Variants in SAYSD1 observed in about 807,000 individuals in gnomAD.
The protein encoded by SAYSD1 is SAYSvFN domain-containing protein 1.
Under a neutral mutation model 14.5 loss-of-function variants are expected in SAYSD1, and 15 were observed. The observed-to-expected ratio is 1.03, with a 90% CI of 0.69 to 1.59. SAYSD1 has a LOEUF of 1.59. Among genes scored for constraint, SAYSD1 ranks in the 40% most tolerant of loss-of-function variants. The probability of loss-of-function intolerance (pLI) is 0.00; values close to 1 mark genes in which losing one functional copy is unlikely to be tolerated. For synonymous variants in SAYSD1, 105 were observed against 102.6 expected, an observed-to-expected ratio of 1.02 and a Z score of -0.14; for missense variants, 247 against 227.3, an observed-to-expected ratio of 1.09 and a Z score of -0.56.
At chr6:39,110,932 C>CA (rs1437080656) in intron 1 of SAYSD1, 1 of 151,824 alleles carries the variant, frequency 6.6e-6, no homozygotes, top group African/African-American at 2.4e-5. Flanking sequence ...AAATGGTCTT[C>CA]AAAATGACAA....
chr6:39,107,708 A>C (rs568727418), intron 1 of SAYSD1, among the ~76,000 whole-genome samples: 1 of 152,318 alleles, frequency 6.6e-6, no homozygotes, highest in South Asian at 2.1e-4. Context: ...AGAGGCCCTT[A>C]TATTATCAGC....
chr6:39,110,621 A>G (rs1023352296), intron 1 of SAYSD1: 1 of 152,246 alleles, frequency 6.6e-6, no homozygotes, highest in African/African-American at 2.4e-5. Context: ...GAACAAGGAT[A>G]CTGAAGTGCT....
chr6:39,114,769 G>A, intron 1 of SAYSD1, 114 bp downstream of exon 1: 2 of 1,011,198 alleles, frequency 2.0e-6, no homozygotes, highest in African/African-American at 1.6e-5. Context: ...GATCAGGATG[G>A]GGGGCCAGTA....
intron 1 of SAYSD1, among the ~76,000 whole-genome samples, chr6:39,109,083 A>C (rs1321458997): frequency 1.3e-5 from 2 of 152,182 alleles, no homozygotes; most frequent in Non-Finnish European, 2.9e-5. Context: ...GAAAGGAAGA[A>C]ATTCAAGATG....
intron 1 of SAYSD1, chr6:39,112,587 A>G (rs1429079396): frequency 6.6e-6 from 1 of 152,302 alleles, no homozygotes; most frequent in Non-Finnish European, 1.5e-5. Flanking sequence ...AGTAAACTCC[A>G]TGACACAAGA....
Position 39,105,339 on chromosome 6 carries a change from C to T in SAYSD1, c.*93G>A. 2.9e-6 allele frequency: 3 copies of T among 1,023,282 alleles called. No individual in the cohort carries two copies. Among genetic ancestry groups the T allele is most frequent in the Non-Finnish European group, 2.9e-6 (2 of 687,134 alleles). The allele number at this position is 1,023,282 out of a possible 1,614,324, so 63.4% of individuals were successfully genotyped here. On this transcript the variant is annotated 3_prime_UTR_variant, in exon 2 of 2. Transcript: ENST00000229903. ...TGCAGTCACAGAGCTAACCCGCAAG[C>T]TGCCCTTAGTCCTATACACCTGAAA...
At chr6:39,114,552 C>T (rs964139329) in intron 1 of SAYSD1, among the ~76,000 whole-genome samples, 4 of 152,244 alleles carry the variant, frequency 2.6e-5, no homozygotes, top group African/African-American at 9.6e-5. Context: ...GGCTGTGGCT[C>T]AACTTGGTTG....
intron 1 of SAYSD1, chr6:39,112,109 C>T (rs1481865380): frequency 6.6e-6 from 1 of 151,846 alleles, no homozygotes; most frequent in Non-Finnish European, 1.5e-5. Context: ...ATGAAAATTG[C>T]TTGTTGAAGA....
rs1036342012 is a variant in SAYSD1 at position 39,115,147 on chromosome 6, C to G, written c.-58G>C. 6.7e-7 allele frequency: 1 copy of G among 1,482,658 alleles called. No individual in the cohort carries two copies. The highest frequency in any genetic ancestry group is 1.4e-5 in the African/African-American group (1 of 71,058). 91.8% of individuals were successfully genotyped at this position (1,482,658 alleles called of 1,614,324 possible). A position where few individuals can be genotyped will look rare whatever the true frequency, so the allele number is the denominator to read the frequency against. On this transcript the variant is annotated 5_prime_UTR_variant, in exon 1 of 2. Transcript: ENST00000229903. ...GAGCGCGCGCCCGCAGGCCGCACAG[C>G]AGTTGCCTCCGCTCGGCCCGCGCCG... is the stretch of plus-strand genomic sequence containing the variant.
Position 39,115,109 on chromosome 6 carries a change from T to C in SAYSD1, c.-20A>G. On this transcript the variant is annotated 5_prime_UTR_variant, in exon 1 of 2. Coordinates refer to ENST00000229903, the MANE Select transcript of SAYSD1 (RefSeq NM_018322.3). ...TTCCATGGCGCGCGCCTCGCGTCCG[T>C]TGGCCGATAAGGGAGCGCGCGCCCG... 2 of 1,594,076 alleles carry C rather than the reference T, an allele frequency of 1.3e-6. No individual in the cohort carries two copies. The highest frequency in any genetic ancestry group is 8.5e-7 in the Non-Finnish European group (1 of 1,174,612).
chr6:39,106,927 C>A (rs1254110720), intron 1 of SAYSD1, among the ~76,000 whole-genome samples: 1 of 152,176 alleles, frequency 6.6e-6, no homozygotes, highest in African/African-American at 2.4e-5. Flanking sequence ...TTGAACATGA[C>A]CTACAATAAG....
chr6:39,109,027 C>T (rs75282494), intron 1 of SAYSD1, among the ~76,000 whole-genome samples: 8,183 of 152,194 alleles, frequency 0.054, 287 homozygotes, highest in African/African-American at 0.096. Context: ...TGGAACACAG[C>T]GGGCACATGA....
rs1022103229 is a variant in SAYSD1, at chr6:39,109,552, G to A, written c.208-3776C>T. Reference sequence around the variant, plus strand: ...GTGGCTTTGTTGCTCCAAATGACATGGTTTAGTTATTTTGATGGCCAAAGA... The same window carrying A: ...GTGGCTTTGTTGCTCCAAATGACATAGTTTAGTTATTTTGATGGCCAAAGA... On this transcript the variant is annotated intron_variant, in intron 1 of 1. Coordinates refer to ENST00000229903, the MANE Select transcript of SAYSD1 (RefSeq NM_018322.3). 2.8e-6 allele frequency: 4 copies of A among 1,432,096 alleles called. No individual in the cohort carries two copies. The Admixed American group carries it at 1.1e-4, about 40-fold the overall frequency. The allele number at this position is 1,432,096 out of a possible 1,614,324, so 88.7% of individuals were successfully genotyped here. A position where few individuals can be genotyped will look rare whatever the true frequency, so the allele number is the denominator to read the frequency against.
intron 1 of SAYSD1, chr6:39,109,421 C>T: frequency 1.3e-6 from 2 of 1,549,216 alleles, no homozygotes; most frequent in South Asian, 1.2e-5. Context: ...GATACTTCCT[C>T]ATCAATGACT....
intron 1 of SAYSD1, 114 bp downstream of exon 1, chr6:39,114,769 G>C: frequency 4.0e-6 from 4 of 1,011,198 alleles, no homozygotes; most frequent in Admixed American, 2.0e-5. Context: ...GATCAGGATG[G>C]GGGGCCAGTA....
Position 39,115,161 on chromosome 6 carries a change from C to A in SAYSD1, c.-72G>T, listed in dbSNP as rs1263318892. ...AGGCCGCACAGCAGTTGCCTCCGCT[C>A]GGCCCGCGCCGGCCGCCGTGCGCCT... On this transcript the variant is annotated 5_prime_UTR_variant, in exon 1 of 2. Coordinates refer to ENST00000229903, the MANE Select transcript of SAYSD1 (RefSeq NM_018322.3). 19 of 1,376,124 alleles carry A rather than the reference C, an allele frequency of 1.4e-5. No individual in the cohort carries two copies. Among genetic ancestry groups the A allele is most frequent in the East Asian group, 2.5e-5 (1 of 39,450 alleles). The allele number at this position is 1,376,124 out of a possible 1,614,324, so 85.2% of individuals were successfully genotyped here. A position where few individuals can be genotyped will look rare whatever the true frequency, so the allele number is the denominator to read the frequency against.
At chr6:39,107,383 T>C (rs1368719623) in intron 1 of SAYSD1, among the ~76,000 whole-genome samples, 1 of 152,196 alleles carries the variant, frequency 6.6e-6, no homozygotes, top group Non-Finnish European at 1.5e-5. Context: ...CACCAAACTA[T>C]TCAGCACTAC....
At chr6:39,113,995 A>G (rs1270396705) in intron 1 of SAYSD1, among the ~76,000 whole-genome samples, 1 of 152,232 alleles carries the variant, frequency 6.6e-6, no homozygotes, top group Non-Finnish European at 1.5e-5. Context: ...TAATAGATGA[A>G]CTTACAGGAA....
At position 39,115,049 on chromosome 6, in the gene SAYSD1, C is replaced by G; in HGVS notation, c.41G>C (p.Arg14Pro). The G allele has an allele frequency of 2.5e-6, 4 of 1,611,196 alleles. No individual in the cohort carries two copies. Among genetic ancestry groups the G allele is most frequent in the Non-Finnish European group, 3.4e-6 (4 of 1,179,844 alleles). Residue 14 changes from arginine (R) to proline (P), a missense_variant, in exon 1 of 2, where the codon CGG becomes CCG. Arg to Pro is a moderately radical substitution (Grantham distance 103). Coordinates refer to ENST00000229903, the MANE Select transcript of SAYSD1 (RefSeq NM_018322.3). The stretch of plus-strand genomic sequence containing the variant: ...AGGGGGTTGGGCCGCCAGACCCGCC[C>G]GTTTCCGCGCCGCCCGAAACTCAGC... ...RLAEFRAARKRAGLAAQPPAA... is the reference protein window; with the variant it reads ...RLAEFRAARKPAGLAAQPPAA...
Sources: allele counts gnomAD v4.1 joint callset (sites outside exome capture counted in the v4.1 genomes callset), GRCh38; gene constraint gnomAD v4.1.1; transcripts MANE v1.5; gene names NCBI Gene and HGNC (gene_info 2026-07-23, HGNC 2026-07-21).